Variants in HTR2C observed in about 807,000 individuals in gnomAD.
HTR2C encodes 5-hydroxytryptamine (serotonin) receptor 2C, G protein-coupled.
Under a neutral mutation model 21.0 loss-of-function variants are expected in HTR2C, and 5 were observed. The ratio of observed to expected loss-of-function variants is 0.24; its 90% CI spans 0.12 to 0.50. HTR2C has a LOEUF of 0.50. Ranked by LOEUF, HTR2C falls within the 20% of genes least tolerant of loss-of-function variation. The pLI is 0.98. For missense variants in HTR2C, 271 were observed against 371.2 expected (o/e 0.73, Z 2.22); for synonymous variants, 150 against 145.3 (o/e 1.03, Z -0.23).
chrX:114,662,282 A>G (rs902230764), intron 2 of HTR2C, among the ~76,000 whole-genome samples: 2 of 111,711 alleles, frequency 1.8e-5, no homozygotes, highest in Non-Finnish European at 3.8e-5. Flanking sequence ...TTATTATAAA[A>G]TTACATGGTG....
chrX:114,724,909 T>G (rs1933390236), intron 2 of HTR2C, among the ~76,000 whole-genome samples: 2 of 108,422 alleles, frequency 1.8e-5, no homozygotes, highest in South Asian at 4.3e-4. Flanking sequence ...GGGCTTCCCT[T>G]TGAGAGTAAC....
chrX:114,851,061 A>G (rs1556469105), intron 5 of HTR2C, among the ~76,000 whole-genome samples: 2 of 111,918 alleles, frequency 1.8e-5, no homozygotes, highest in Non-Finnish European at 3.8e-5. Flanking sequence ...ATAAATTTGT[A>G]TGTACATAAT....
At chrX:114,880,441 C>A (rs782344802) in intron 5 of HTR2C, among the ~76,000 whole-genome samples, 1 of 110,560 alleles carries the variant, frequency 9.0e-6, no homozygotes, top group South Asian at 3.7e-4. Flanking sequence ...CATAACTATA[C>A]AACTCACCCA....
At chrX:114,836,146 C>A (rs1423621923) in intron 4 of HTR2C, among the ~76,000 whole-genome samples, 1 of 107,290 alleles carries the variant, frequency 9.3e-6, no homozygotes, top group African/African-American at 3.3e-5. Context: ...GCAGAGGTTA[C>A]TGCTATCTTT....
At chrX:114,586,181 T>C (rs921473106) in intron 1 of HTR2C, among the ~76,000 whole-genome samples, 4 of 111,416 alleles carry the variant, frequency 3.6e-5, no homozygotes, top group African/African-American at 1.3e-4. Context: ...GAAAATGATA[T>C]CTACCGTGAT....
intron 2 of HTR2C, among the ~76,000 whole-genome samples, chrX:114,718,149 G>A (rs1271638585): frequency 1.8e-5 from 2 of 110,928 alleles, no homozygotes; most frequent in African/African-American, 3.3e-5. Context: ...CAGTCCCCAA[G>A]CCCACCCCAC....
chrX:114,624,795 A>G (rs1040590866), intron 2 of HTR2C, among the ~76,000 whole-genome samples: 63 of 111,897 alleles, frequency 5.6e-4, no homozygotes, highest in Non-Finnish European at 1.5e-4. Flanking sequence ...AAAAAGAGTA[A>G]TTCTTTGGGA....
At chrX:114,663,785 A>G (rs1556410555) in intron 2 of HTR2C, among the ~76,000 whole-genome samples, 2 of 111,285 alleles carry the variant, frequency 1.8e-5, no homozygotes, top group Non-Finnish European at 3.8e-5. Flanking sequence ...CTTGAACTGA[A>G]AGTATAGGTA....
chrX:114,907,231 T>G lies in HTR2C; in HGVS notation c.1193T>G (p.Ile398Ser). The G allele has an allele frequency of 8.3e-7, 1 of 1,211,562 alleles. No individual in the cohort carries two copies. The highest frequency in any genetic ancestry group is 1.1e-6 in the Non-Finnish European group (1 of 895,435). ...GAGAAAAAGCCTCCTGTCAGGCAGA[T>G]TCCAAGAGTTGCCGCCACTGCTTTG... Reference protein sequence around the residue: ...KVEKKPPVRQIPRVAATALSG... With the variant: ...KVEKKPPVRQSPRVAATALSG... The change falls in exon 6 of 6, where the codon ATT becomes AGT. Residue 398 changes from isoleucine (I) to serine (S), a missense_variant. Around this residue, in one of 5 missense-constraint regions of HTR2C, gnomAD observed 192 missense variants for 247.2 expected, o/e 0.78. Coordinates refer to ENST00000276198, the MANE Select transcript of HTR2C (RefSeq NM_000868.4).
intron 2 of HTR2C, among the ~76,000 whole-genome samples, chrX:114,661,750 T>A (rs782551873): frequency 9.0e-6 from 1 of 111,578 alleles, no homozygotes; most frequent in Non-Finnish European, 1.9e-5. Context: ...TCTCAAATCC[T>A]TGAGCATTTC....
rs782782002 is a variant in HTR2C at position 114,817,068 on chromosome X, C to T, written c.350-30935C>T. On this transcript the variant is annotated intron_variant, in intron 4 of 5. Coordinates refer to ENST00000276198, the MANE Select transcript of HTR2C (RefSeq NM_000868.4). ...ATTGGGATTAAATAATTGCAGCAAA[C>T]ATAAACATAAGCAAAATTAAAAGAT... is the stretch of plus-strand genomic sequence containing the variant. Among the ~76,000 whole-genome samples the T allele has an allele frequency of 4.5e-5, 5 of 110,669 alleles. No homozygotes were observed. The South Asian group carries it at 1.9e-3, about 41-fold the overall frequency.
intron 4 of HTR2C, among the ~76,000 whole-genome samples, chrX:114,732,046 G>A (rs978686434): frequency 2.7e-5 from 3 of 111,469 alleles, no homozygotes; most frequent in Non-Finnish European, 5.6e-5. Context: ...CAAACTAAGT[G>A]GTTGACACAA....
At position 114,724,275 on chromosome X, in the gene HTR2C, C is replaced by T. The variant is rs781852849; in HGVS notation, c.-79-2583C>T. 2.6e-3 allele frequency among the ~76,000 whole-genome samples: 251 copies of T among 96,445 alleles called. 2 individuals are homozygous for T. The highest frequency in any genetic ancestry group is 9.0e-3 in the African/African-American group (244 of 27,216). The allele number at this position is 96,445 out of a possible 115,157, so 83.8% of individuals were successfully genotyped here. ...GATCCCTTTACCATTAAGTAATGGCCTTCTTTGTCTCTTTTGATCTTTGTT... is the reference window on the plus strand; with the variant it reads ...GATCCCTTTACCATTAAGTAATGGCTTTCTTTGTCTCTTTTGATCTTTGTT... On this transcript the variant is annotated intron_variant, in intron 2 of 5. Transcript: ENST00000276198.
At chrX:114,726,296 C>T (rs1191738589) in intron 2 of HTR2C, among the ~76,000 whole-genome samples, 1 of 112,505 alleles carries the variant, frequency 8.9e-6, no homozygotes, top group Non-Finnish European at 1.9e-5. Context: ...CGTCTGTCAC[C>T]CCTTTGTTTG....
chrX:114,856,615 A>C (rs2070964582), intron 5 of HTR2C, among the ~76,000 whole-genome samples: 1 of 111,005 alleles, frequency 9.0e-6, no homozygotes, highest in Admixed American at 9.6e-5. Context: ...TACTGGTATC[A>C]AAGCAACCAT....
intron 1 of HTR2C, among the ~76,000 whole-genome samples, chrX:114,608,400 C>T (rs1262081252): frequency 9.0e-6 from 1 of 110,815 alleles, no homozygotes; most frequent in Non-Finnish European, 1.9e-5. Context: ...TACCCATTTA[C>T]AATCACTCCA....
intron 1 of HTR2C, among the ~76,000 whole-genome samples, chrX:114,585,254 A>T (rs1927342462): frequency 9.0e-6 from 1 of 111,243 alleles, no homozygotes; most frequent in South Asian, 3.9e-4. Context: ...CTCTGGGGAG[A>T]TAACACACTG....
chrX:114,838,454 A>T (rs2147479885), intron 4 of HTR2C, among the ~76,000 whole-genome samples: 1 of 112,183 alleles, frequency 8.9e-6, no homozygotes, highest in Admixed American at 9.4e-5. Flanking sequence ...CAAAGGCAAA[A>T]ATTGTCTACA....
chrX:114,848,189 G>C lies in HTR2C; in HGVS notation c.536G>C (p.Trp179Ser). 8.3e-7 allele frequency: 1 copy of C among 1,206,947 alleles called. No homozygotes were observed. The change falls in exon 5 of 6, where the codon TGG (tryptophan) becomes TCG (serine). Residue 179 changes from tryptophan to serine, a missense_variant. Around this residue, in one of 5 missense-constraint regions of HTR2C, gnomAD observed 192 missense variants for 247.2 expected, o/e 0.78. Coordinates refer to ENST00000276198, the MANE Select transcript of HTR2C (RefSeq NM_000868.4). Reference sequence around the variant, plus strand: ...GCCATCATGAAGATTGCTATTGTTTGGGCAATTTCTATAGGTAAATAAAAC... The same window carrying C: ...GCCATCATGAAGATTGCTATTGTTTCGGCAATTTCTATAGGTAAATAAAAC... The part of the protein sequence containing the change: ...TKAIMKIAIV[W>S]AISIGVSVPI...
Sources: allele counts gnomAD v4.1 joint callset (sites outside exome capture counted in the v4.1 genomes callset), GRCh38; gene constraint gnomAD v4.1.1; regional missense constraint gnomAD v4.1.1; transcripts MANE v1.5; gene names NCBI Gene and HGNC (gene_info 2026-07-23, HGNC 2026-07-21).